Variants in RALGPS1 observed in about 807,000 individuals in gnomAD.
The protein encoded by RALGPS1 is ras-specific guanine nucleotide-releasing factor RalGPS1.
In RALGPS1, 19 loss-of-function variants were observed where a neutral mutation model predicts 78.8. That is an observed-to-expected ratio of 0.24 (90% CI 0.17 to 0.35). The LOEUF is 0.35. Ranked by LOEUF, RALGPS1 falls within the 10% of genes least tolerant of loss-of-function variation. RALGPS1 has a pLI of 1.00. For synonymous variants in RALGPS1, 228 were observed against 256.3 expected (o/e 0.89, Z 1.06); for missense variants, 454 against 688.3 (o/e 0.66, Z 3.81).
Position 127,196,538 on chromosome 9 carries a change from CA to C in RALGPS1, c.1103del (p.His368ProfsTer8). ...GACATTCCCATCGGAGAAAGCAAGGCACCTACTGGACGACAGTGTCCTAGAG... is the reference window on the plus strand; with the variant it reads ...GACATTCCCATCGGAGAAAGCAAGGCCCTACTGGACGACAGTGTCCTAGAG... Reference protein sequence around the residue: ...SATFPSEKARHLLDDSVLESR... With the variant: ...SATFPSEKARXLLDDSVLESR... On this transcript the variant is annotated frameshift_variant, in exon 13 of 19. Transcript: ENST00000259351. LOFTEE classifies it high-confidence loss of function. The C allele has an allele frequency of 6.2e-7, 1 of 1,614,198 alleles. No homozygotes were observed.
chr9:126,917,473 G>A (rs777405382), intron 1 of RALGPS1, among the ~76,000 whole-genome samples: 9 of 152,224 alleles, frequency 5.9e-5, no homozygotes, highest in Non-Finnish European at 1.2e-4. Flanking sequence ...TTCCTTTTCA[G>A]TATGGAGGGT....
chr9:127,098,609 C>T (rs937814453), intron 8 of RALGPS1, among the ~76,000 whole-genome samples: 1 of 152,118 alleles, frequency 6.6e-6, no homozygotes, highest in Non-Finnish European at 1.5e-5. Context: ...CAGGTCTCAG[C>T]CCGGACCCCA....
chr9:126,994,556 G>A (rs1440179471), intron 4 of RALGPS1, among the ~76,000 whole-genome samples: 6 of 152,164 alleles, frequency 3.9e-5, no homozygotes, highest in African/African-American at 1.4e-4. Context: ...ACGTCTGATT[G>A]GTGTACCTGA....
At chr9:126,935,567 T>C (rs1157810260) in intron 1 of RALGPS1, among the ~76,000 whole-genome samples, 2 of 152,224 alleles carry the variant, frequency 1.3e-5, no homozygotes, top group East Asian at 1.9e-4. Flanking sequence ...AAGTTTCTGA[T>C]GCATTTCTGC....
intron 8 of RALGPS1, among the ~76,000 whole-genome samples, chr9:127,113,200 C>T (rs190181109): frequency 3.8e-4 from 58 of 152,274 alleles, no homozygotes; most frequent in African/African-American, 1.3e-3. Context: ...GTTTTATCAA[C>T]GGAGACATTG....
At chr9:127,198,147 T>C (rs964959754) in intron 13 of RALGPS1, among the ~76,000 whole-genome samples, 17 of 152,182 alleles carry the variant, frequency 1.1e-4, no homozygotes, top group Non-Finnish European at 2.4e-4. Flanking sequence ...TGAAACTGTT[T>C]TTCTGTTTGA....
At chr9:127,191,535 G>T (rs2061031797) in intron 11 of RALGPS1, among the ~76,000 whole-genome samples, 1 of 152,006 alleles carries the variant, frequency 6.6e-6, no homozygotes, top group Admixed American at 6.5e-5. Flanking sequence ...AACTGTGTCT[G>T]CATCCATGCC....
At chr9:127,036,851 GA>G (rs1460250851) in intron 5 of RALGPS1, among the ~76,000 whole-genome samples, 4 of 152,202 alleles carry the variant, frequency 2.6e-5, no homozygotes, top group African/African-American at 9.7e-5. Context: ...TGTTCCTCCA[GA>G]AAACTGCAGA....
intron 8 of RALGPS1, chr9:127,093,622 G>T: frequency 7.5e-7 from 1 of 1,334,278 alleles, no homozygotes; most frequent in Non-Finnish European, 1.0e-6. Context: ...CACAGGCCTG[G>T]GCTTGGTCAG....
chr9:126,920,053 C>T (rs1208376376), intron 1 of RALGPS1, among the ~76,000 whole-genome samples: 1 of 152,162 alleles, frequency 6.6e-6, no homozygotes, highest in African/African-American at 2.4e-5. Flanking sequence ...TCAGAGCACA[C>T]ATCATGTTAT....
chr9:126,965,806 A>G (rs1462202019), intron 2 of RALGPS1, 38 bp from the exon 3 acceptor site: 2 of 1,501,656 alleles, frequency 1.3e-6, no homozygotes, highest in South Asian at 1.1e-5. Flanking sequence ...TCCACGTCAT[A>G]TCATTCAGTT....
chr9:127,210,805 G>C, intron 14 of RALGPS1: 1 of 1,525,134 alleles, frequency 6.6e-7, no homozygotes, highest in Non-Finnish European at 8.9e-7. Flanking sequence ...GTGTTCATTT[G>C]TTTGACACAT....
intron 4 of RALGPS1, among the ~76,000 whole-genome samples, chr9:126,986,891 C>G (rs1485852300): frequency 6.6e-6 from 1 of 152,126 alleles, no homozygotes; most frequent in Non-Finnish European, 1.5e-5. Flanking sequence ...CCTTGATTTT[C>G]TCATGTGTAA....
At chr9:126,969,362 C>T (rs1463555411) in intron 3 of RALGPS1, among the ~76,000 whole-genome samples, 2 of 152,178 alleles carry the variant, frequency 1.3e-5, no homozygotes, top group East Asian at 3.9e-4. Flanking sequence ...CTGCCTCAGC[C>T]TCCTAAATAG....
At chr9:127,009,945 G>A (rs1311073125) in intron 4 of RALGPS1, among the ~76,000 whole-genome samples, 1 of 152,166 alleles carries the variant, frequency 6.6e-6, no homozygotes, top group Non-Finnish European at 1.5e-5. Context: ...GAATTCCACA[G>A]AATTGGAAAC....
chr9:127,044,877 T>C (rs2054608641), intron 5 of RALGPS1, among the ~76,000 whole-genome samples: 1 of 152,238 alleles, frequency 6.6e-6, no homozygotes, highest in South Asian at 2.1e-4. Flanking sequence ...TTCCTCCTCC[T>C]GAATCATTAT....
In RALGPS1 at chr9:127,194,999, C is replaced by G. The variant is rs1410848876; in HGVS notation, c.911-92C>G. On this transcript the variant is annotated intron_variant, in intron 11 of 18. Coordinates refer to ENST00000259351, the MANE Select transcript of RALGPS1 (RefSeq NM_014636.3). ...CTGGGCCAGTTGCTGTACTTCAAAC[C>G]CGGGGCCCACCTCCACACCTCAACC... is the stretch of plus-strand genomic sequence containing the variant. 4 of 1,501,680 alleles carry G rather than the reference C, an allele frequency of 2.7e-6. No individual in the cohort carries two copies. In the African/African-American group the frequency reaches 5.5e-5, roughly 21 times the overall value. 93.0% of individuals were successfully genotyped at this position (1,501,680 alleles called of 1,614,324 possible).
intron 5 of RALGPS1, among the ~76,000 whole-genome samples, chr9:127,044,733 T>C (rs961598239): frequency 1.3e-5 from 2 of 152,174 alleles, no homozygotes; most frequent in Non-Finnish European, 2.9e-5. Flanking sequence ...TGCCACACTC[T>C]CTCTCCTTCC....
chr9:126,929,378 A>G (rs2035591831), intron 1 of RALGPS1, among the ~76,000 whole-genome samples: 1 of 152,242 alleles, frequency 6.6e-6, no homozygotes, highest in Admixed American at 6.5e-5. Context: ...AAGAGAGGCA[A>G]GAGATTCTGA....
Sources: allele counts gnomAD v4.1 joint callset (sites outside exome capture counted in the v4.1 genomes callset), GRCh38; gene constraint gnomAD v4.1.1; transcripts MANE v1.5; gene names NCBI Gene and HGNC (gene_info 2026-07-23, HGNC 2026-07-21).